SPC25: variants seen among roughly 807,000 people sequenced by gnomAD.
SPC25 encodes the protein SPC25 component of NDC80 kinetochore complex.
A neutral mutation model predicts 29.6 loss-of-function variants in SPC25; 22 were observed. The observed-to-expected ratio is 0.74, with a 90% confidence interval of 0.53 to 1.06. The LOEUF (loss-of-function observed/expected upper bound fraction) is 1.06. Ranked by LOEUF, SPC25 falls within the 50% of genes least tolerant of loss-of-function variation. SPC25 has a pLI of 0.00. For synonymous variants in SPC25, 91 were observed against 90.4 expected, an observed-to-expected ratio of 1.01 and a Z score of -0.04; for missense variants, 230 against 255.8, an observed-to-expected ratio of 0.90 and a Z score of 0.69.
At position 168,889,479 on chromosome 2, in the gene SPC25, T is replaced by A. The variant is rs763166909; in HGVS notation, c.41A>T (p.Asn14Ile). The A allele has an allele frequency of 6.2e-7, 1 of 1,614,066 alleles. No individual in the cohort carries two copies. Residue 14 changes from asparagine to isoleucine, a missense_variant, in exon 2 of 7, where the codon AAT (asparagine) becomes ATT (isoleucine). By Grantham distance (149) the Asn-to-Ile change is moderately radical (BLOSUM62 -3). Coordinates refer to ENST00000282074, the MANE Select transcript of SPC25 (RefSeq NM_020675.4). ...ACTTTTGAATTTATTCCAAAATTCA[T>A]TTATGCTTTTATCGAAAAGTGCCAG... ...DELALFDKSI[N>I]EFWNKFKSTD...
downstream of SPC25, among the ~76,000 whole-genome samples, chr2:168,868,958 T>C (rs1438240246): frequency 6.6e-6 from 1 of 152,160 alleles, no homozygotes; most frequent in African/African-American, 2.4e-5. Flanking sequence ...AAATCCTCAA[T>C]AAAATACTGG....
intron 3 of SPC25, among the ~76,000 whole-genome samples, chr2:168,885,837 T>C (rs184363165): frequency 6.6e-6 from 1 of 152,302 alleles, no homozygotes; most frequent in Non-Finnish European, 1.5e-5. Context: ...TCTGTGCTTA[T>C]TTTGTCATAA....
chr2:168,889,614 T>C (rs1043050853), intron 1 of SPC25, 81 bp from the exon 2 acceptor site: 2 of 1,430,040 alleles, frequency 1.4e-6, no homozygotes, highest in African/African-American at 2.9e-5. Flanking sequence ...TACAGTATTT[T>C]GGCAATTTGT....
intron 6 of SPC25, 22 bp from the exon 7 acceptor site, chr2:168,871,577 A>T: frequency 6.5e-7 from 1 of 1,547,580 alleles, no homozygotes; most frequent in Admixed American, 2.2e-5. Flanking sequence ...AAAAAAAGAA[A>T]TCAAAGACAA....
Position 168,873,637 on chromosome 2 carries a change from A to G in SPC25, c.498T>C (p.Pro166=), listed in dbSNP as rs1480040593. Residue 166 remains proline (P), a synonymous_variant, in exon 6 of 7, where the codon CCT becomes CCC. Coordinates refer to ENST00000282074, the MANE Select transcript of SPC25 (RefSeq NM_020675.4). ...FIFTNIDPKN[P]ESPFMFSLHL... is the part of the protein sequence containing the mutation. ...GTAAGGAAAACATAAATGGGCTCTC[A>G]GGATTCTTAGGGTCAATATTAGTGA... 8 of 1,611,618 alleles carry G rather than the reference A, an allele frequency of 5.0e-6. No individual in the cohort carries two copies. Among genetic ancestry groups the G allele is most frequent in the Non-Finnish European group, 6.8e-6 (8 of 1,178,376 alleles).
At chr2:168,864,924 T>G in intron 4 of SPC25, 1 of 1,614,088 alleles carries the variant, frequency 6.2e-7, no homozygotes, top group Non-Finnish European at 8.5e-7. Flanking sequence ...GCCGCTTATG[T>G]GGAGGAGTTA....
downstream of SPC25, among the ~76,000 whole-genome samples, chr2:168,867,466 T>C (rs990272977): frequency 1.2e-4 from 18 of 152,184 alleles, no homozygotes; most frequent in African/African-American, 4.3e-4. Flanking sequence ...TCAAGACCCA[T>C]CAGTGTGCTG....
chr2:168,873,521 G>A, intron 6 of SPC25, 64 bp downstream of exon 6: 2 of 1,134,266 alleles, frequency 1.8e-6, no homozygotes, highest in Non-Finnish European at 1.3e-6. Flanking sequence ...TACTTTATAT[G>A]CTGATTGAAA....
intron 3 of SPC25, among the ~76,000 whole-genome samples, chr2:168,879,683 G>A (rs1481409427): frequency 6.6e-6 from 1 of 152,132 alleles, no homozygotes; most frequent in Non-Finnish European, 1.5e-5. Flanking sequence ...CATCTAGAAT[G>A]GTGAATCCTT....
intron 4 of SPC25, among the ~76,000 whole-genome samples, chr2:168,864,217 T>A (rs1689696588): frequency 6.6e-6 from 1 of 152,024 alleles, no homozygotes; most frequent in Admixed American, 6.6e-5. Context: ...ATCTGCCTAA[T>A]CTGCCCATCG....
At chr2:168,870,229 T>C (rs1260836970), downstream of SPC25, among the ~76,000 whole-genome samples, 2 of 151,672 alleles carry the variant, frequency 1.3e-5, no homozygotes, top group Non-Finnish European at 2.9e-5. Context: ...AAGACTTACA[T>C]GTTAGACCTA....
chr2:168,886,250 C>T (rs1168936062), intron 3 of SPC25, among the ~76,000 whole-genome samples: 1 of 151,934 alleles, frequency 6.6e-6, no homozygotes, highest in Non-Finnish European at 1.5e-5. Flanking sequence ...GAGACAAGGT[C>T]TCACTATATT....
At chr2:168,877,525 TAA>T (rs1690109570) in intron 3 of SPC25, 141 bp from the exon 4 acceptor site, 1 of 1,008,742 alleles carries the variant, frequency 9.9e-7, no homozygotes, top group South Asian at 1.7e-5. Flanking sequence ...TTCAAAATTA[TAA>T]AAGACAAAAA....
intron 1 of SPC25, among the ~76,000 whole-genome samples, chr2:168,890,027 C>A (rs1400779175): frequency 1.3e-5 from 2 of 152,088 alleles, no homozygotes; most frequent in African/African-American, 2.4e-5. Flanking sequence ...GTATACAAGT[C>A]ACCTCGGGCC....
chr2:168,888,471 C>T (rs978387764), intron 3 of SPC25, among the ~76,000 whole-genome samples: 1 of 152,096 alleles, frequency 6.6e-6, no homozygotes, highest in African/African-American at 2.4e-5. Flanking sequence ...AGGAGAGTGG[C>T]GTGAACCCAG....
intron 1 of SPC25, 66 bp from the exon 2 acceptor site, chr2:168,889,599 G>A: frequency 1.3e-6 from 2 of 1,489,236 alleles, no homozygotes; most frequent in Non-Finnish European, 9.0e-7. Flanking sequence ...TATTCCAATC[G>A]GGTATACAGT....
downstream of SPC25, among the ~76,000 whole-genome samples, chr2:168,867,399 T>C (rs1432199934): frequency 6.6e-6 from 1 of 152,166 alleles, no homozygotes; most frequent in African/African-American, 2.4e-5. Context: ...TAACTTTAAA[T>C]GTAAATGGGC....
At chr2:168,889,038 T>TATAC (rs1245550922) in intron 3 of SPC25, among the ~76,000 whole-genome samples, 188 bp downstream of exon 3, 6 of 111,526 alleles carry the variant, frequency 5.4e-5, no homozygotes, top group African/African-American at 2.2e-4. Flanking sequence ...TATATACATA[T>TATAC]ATATATACAC....
At chr2:168,872,121 AC>A (rs1270105262) in intron 6 of SPC25, among the ~76,000 whole-genome samples, 3 of 152,094 alleles carry the variant, frequency 2.0e-5, no homozygotes, top group Non-Finnish European at 4.4e-5. Context: ...ATTAAAGGTA[AC>A]ATGTCCAGCT....
Sources: gnomAD v4.1 joint callset for allele counts (sites outside exome capture counted in the v4.1 genomes callset) on GRCh38, gnomAD v4.1.1 for gene constraint, MANE v1.5 for transcripts, NCBI Gene and HGNC (gene_info 2026-07-23, HGNC 2026-07-21) for gene names.